The following ADH1C variants were observed in gnomAD, a reference collection of about 807,000 sequenced individuals.
The protein encoded by ADH1C is alcohol dehydrogenase 1C (class I), gamma polypeptide, also known as alcohol dehydrogenase 1C.
ADH1C carries 26 observed loss-of-function variants against 35.0 expected under a neutral mutation model. That is an observed-to-expected ratio of 0.74 (90% CI 0.54 to 1.03). The LOEUF (loss-of-function observed/expected upper bound fraction) is 1.03. Among genes scored for constraint, ADH1C ranks in the 50% least tolerant of loss-of-function variants. The pLI is 0.00. For missense variants in ADH1C, 413 were observed against 465.4 expected (o/e 0.89, Z 1.04); for synonymous variants, 170 against 169.3 (o/e 1.00, Z -0.03).
chr4:99,345,357 T>C, intron 3 of ADH1C, 91 bp from the exon 4 acceptor site: 1 of 1,301,300 alleles, frequency 7.7e-7, no homozygotes, highest in Non-Finnish European at 1.1e-6. Flanking sequence ...ATTAGAATTA[T>C]GTGTCTGAAA....
rs1347095110 is a variant in ADH1C at position 99,339,588 on chromosome 4, G to A, written c.1092C>T (p.Arg364=). The A allele has an allele frequency of 1.3e-6, 2 of 1,579,222 alleles. No individual in the cohort carries two copies. Among genetic ancestry groups the A allele is most frequent in the Non-Finnish European group, 1.7e-6 (2 of 1,162,904 alleles). The change falls in exon 8 of 9, where the codon CGC becomes CGT. Residue 364 remains arginine, a synonymous_variant. Transcript: ENST00000515683. ...AACTTAAAATCTACCTCTTTCCAGAGCGAAGCAGGTCAAATCCTTCATTTA... is the reference window on the plus strand; with the variant it reads ...AACTTAAAATCTACCTCTTTCCAGAACGAAGCAGGTCAAATCCTTCATTTA... ...EKINEGFDLL[R]SGKSIRTVLT...
At chr4:99,343,906 T>G (rs1734469295) in intron 5 of ADH1C, among the ~76,000 whole-genome samples, 1 of 152,216 alleles carries the variant, frequency 6.6e-6, no homozygotes, top group South Asian at 2.1e-4. Context: ...CTGTTCCTGT[T>G]CCAAATAATC....
Position 99,351,838 on chromosome 4 carries a change from A to G in ADH1C, c.18+820T>C, listed in dbSNP as rs147155127. On this transcript the variant is annotated intron_variant, in intron 1 of 8. Coordinates refer to ENST00000515683, the MANE Select transcript of ADH1C (RefSeq NM_000669.5). ...TTAAATTAGGCAATTAATAATATCA[A>G]TTGATTATATTGAATGACCACATGC... 3.2e-4 allele frequency among the ~76,000 whole-genome samples: 48 copies of G among 152,368 alleles called. 1 individual carries two copies. In the East Asian group the frequency reaches 4.2e-3, roughly 13 times the overall value.
chr4:99,339,506 G>T, intron 8 of ADH1C, 71 bp downstream of exon 8: 2 of 1,225,344 alleles, frequency 1.6e-6, no homozygotes, highest in Non-Finnish European at 2.1e-6. Flanking sequence ...TTCTCTGCTA[G>T]ACAACGCCCC....
intron 7 of ADH1C, 104 bp from the exon 8 acceptor site, chr4:99,339,819 C>G: frequency 1.8e-6 from 2 of 1,123,634 alleles, no homozygotes; most frequent in Non-Finnish European, 2.6e-6. Flanking sequence ...TGCTGCATTC[C>G]AGACTGCTAT....
intron 1 of ADH1C, among the ~76,000 whole-genome samples, chr4:99,352,142 G>GATATTTTAT: frequency 6.6e-6 from 1 of 152,164 alleles, no homozygotes; most frequent in South Asian, 2.1e-4. Flanking sequence ...TATTTTGTAA[G>GATATTTTAT]ATATTTTATA....
intron 1 of ADH1C, among the ~76,000 whole-genome samples, chr4:99,350,591 G>A (rs934184807): frequency 3.9e-5 from 6 of 152,188 alleles, no homozygotes; most frequent in Non-Finnish European, 5.9e-5. Flanking sequence ...TTATGGCTGA[G>A]TAGTATCTCA....
Position 99,345,229 on chromosome 4 carries a change from T to C in ADH1C, c.297A>G (p.Gly99=), listed in dbSNP as rs1579532301. The change falls in exon 4 of 9, where the codon GGA becomes GGG. Residue 99 remains glycine (G), a synonymous_variant. Transcript: ENST00000515683. The part of the protein sequence containing the change: ...KVIPLFTPQC[G]KCRICKNPES... ...CTGGGTTTTTACAAATTCTGCATTT[T>C]CCACACTGAGGAGTAAAGAGCGGGA... The C allele has an allele frequency of 6.2e-7, 1 of 1,614,104 alleles. No individual in the cohort carries two copies.
chr4:99,338,390 G>GTTTT (rs1464447552), intron 8 of ADH1C, among the ~76,000 whole-genome samples: 1 of 53,372 alleles, frequency 1.9e-5, no homozygotes, highest in Non-Finnish European at 3.5e-5. Context: ...GATGAATACT[G>GTTTT]TTTTCTATAT....
At position 99,347,795 on chromosome 4, in the gene ADH1C, T is replaced by C. The variant is rs779093264; in HGVS notation, c.70A>G (p.Ile24Val). ...VLWELKKPFS[I>V]EEVEVAPPKA... is the part of the protein sequence containing the mutation. ...GGAGGTGCAACCTCTACCTCCTCAA[T>C]GGAAAAGGGTTTCTTTAACTCCCAT... Residue 24 changes from isoleucine to valine, a missense_variant, in exon 2 of 9, where the codon ATT becomes GTT. Physicochemically the swap from Ile to Val is conservative, Grantham distance 29. Transcript: ENST00000515683. 79 of 1,613,830 alleles carry C rather than the reference T, an allele frequency of 4.9e-5. No individual in the cohort carries two copies. Among genetic ancestry groups the C allele is most frequent in the Non-Finnish European group, 6.7e-5 (79 of 1,179,862 alleles).
intron 1 of ADH1C, among the ~76,000 whole-genome samples, chr4:99,348,922 C>G (rs1337630847): frequency 1.3e-5 from 2 of 149,566 alleles, no homozygotes; most frequent in Admixed American, 6.6e-5. Context: ...GCATAAATGT[C>G]TTCTTTTGAG....
intron 8 of ADH1C, among the ~76,000 whole-genome samples, chr4:99,338,763 AAC>A (rs1734345176): frequency 6.7e-6 from 1 of 150,072 alleles, no homozygotes; most frequent in South Asian, 2.1e-4. Flanking sequence ...GTTTCAAAGA[AAC>A]ACTATTTGAA....
chr4:99,339,125 G>A (rs1053632612), intron 8 of ADH1C, among the ~76,000 whole-genome samples: 2 of 152,136 alleles, frequency 1.3e-5, no homozygotes, highest in Middle Eastern at 3.4e-3. Flanking sequence ...TCTCAATGTA[G>A]TTCCACCTAC....
intron 1 of ADH1C, among the ~76,000 whole-genome samples, chr4:99,349,950 A>C (rs1462973965): frequency 1.3e-5 from 2 of 152,224 alleles, no homozygotes; most frequent in African/African-American, 4.8e-5. Context: ...AGTGCTTGGC[A>C]GTGTACTGTA....
Position 99,336,768 on chromosome 4 carries a change from G to A in ADH1C, c.1112C>T (p.Thr371Ile), listed in dbSNP as rs1228670926. The part of the protein sequence containing the change: ...DLLRSGKSIR[T>I]VLTF ...TGTATTGTTTCAAAACGTCAGGACG[G>A]TACGGATACTGCAATAGGAAAGAAG... is the stretch of plus-strand genomic sequence containing the variant. Residue 371 changes from threonine (T) to isoleucine (I), a missense_variant, in exon 9 of 9, where the codon ACC (threonine) becomes ATC (isoleucine). Transcript: ENST00000515683. The A allele has an allele frequency of 1.1e-5, 18 of 1,613,600 alleles. No individual in the cohort carries two copies. Among genetic ancestry groups the A allele is most frequent in the South Asian group, 2.2e-5 (2 of 91,076 alleles).
intron 1 of ADH1C, among the ~76,000 whole-genome samples, chr4:99,348,123 T>C (rs1343677204): frequency 6.6e-6 from 1 of 152,182 alleles, no homozygotes; most frequent in Non-Finnish European, 1.5e-5. Flanking sequence ...TTTTATTTTT[T>C]TTGAATGTTT....
At position 99,340,656 on chromosome 4, in the gene ADH1C, C is replaced by G. The variant is rs751435373; in HGVS notation, c.883G>C (p.Val295Leu). 8 of 1,613,338 alleles carry G rather than the reference C, an allele frequency of 5.0e-6. No homozygotes were observed. Among genetic ancestry groups the G allele is most frequent in the Non-Finnish European group, 6.8e-6 (8 of 1,179,982 alleles). The change falls in exon 7 of 9, where the codon GTA (valine) becomes CTA (leucine). Residue 295 changes from valine to leucine, a missense_variant. Val to Leu is a conservative substitution (Grantham distance 32). Transcript: ENST00000515683. ...EACGTSVIVGVPPDSQNLSIN... is the reference protein window; with the variant it reads ...EACGTSVIVGLPPDSQNLSIN... ...GAGAGGTTCTGGGAATCAGGAGGTA[C>G]CCCTACAATGACACTTGTGCCACAT...
intron 1 of ADH1C, 96 bp downstream of exon 1, chr4:99,352,562 A>C: frequency 5.9e-6 from 6 of 1,020,452 alleles, no homozygotes; most frequent in South Asian, 1.7e-5. Flanking sequence ...TTAGATATGA[A>C]TTTTAAATTT....
chr4:99,342,844 T>C lies in ADH1C; in HGVS notation c.779A>G (p.Asp260Gly). 2 of 1,614,028 alleles carry C rather than the reference T, an allele frequency of 1.2e-6. No homozygotes were observed. The highest frequency in any genetic ancestry group is 1.7e-6 in the Non-Finnish European group (2 of 1,179,904). Residue 260 changes from aspartate to glycine, a missense_variant, in exon 6 of 9, where the codon GAT (aspartate) becomes GGT (glycine). Asp to Gly is a moderately conservative substitution (Grantham distance 94). Coordinates refer to ENST00000515683, the MANE Select transcript of ADH1C (RefSeq NM_000669.5). ...TTCAAACGAAAAATCCACACCTCCA[T>C]CAGTCATTTCCTTTAGCACTTCCTG... ...PIQEVLKEMTDGGVDFSFEVI... is the reference protein window; with the variant it reads ...PIQEVLKEMTGGGVDFSFEVI...
Sources: gnomAD v4.1 joint callset for allele counts (sites outside exome capture counted in the v4.1 genomes callset) on GRCh38, gnomAD v4.1.1 for gene constraint, MANE v1.5 for transcripts, NCBI Gene and HGNC (gene_info 2026-07-23, HGNC 2026-07-21) for gene names.